Variants in PPARGC1A observed in about 807,000 individuals in gnomAD.
The protein encoded by PPARGC1A is PPARG coactivator 1 alpha.
In PPARGC1A, 25 loss-of-function variants were observed where a neutral mutation model predicts 88.7. The observed-to-expected ratio is 0.28, with a 90% confidence interval of 0.21 to 0.39. The LOEUF (loss-of-function observed/expected upper bound fraction) is 0.39, where lower values mean the gene tolerates loss of function less well. Among genes scored for constraint, PPARGC1A ranks in the 10% least tolerant of loss-of-function variants. PPARGC1A has a pLI of 1.00. For synonymous variants in PPARGC1A, 363 were observed against 355.6 expected (o/e 1.02, Z -0.24); for missense variants, 880 against 968.7 (o/e 0.91, Z 1.22).
the PPARGC1A span, among the ~76,000 whole-genome samples, chr4:24,284,210 G>A: frequency 6.6e-6 from 1 of 152,014 alleles, no homozygotes; most frequent in Non-Finnish European, 1.5e-5. Flanking sequence ...TCAGGAGGCT[G>A]AGGCAGGAGA....
chr4:24,310,277 G>C, the PPARGC1A span, among the ~76,000 whole-genome samples: 2 of 152,160 alleles, frequency 1.3e-5, no homozygotes, highest in African/African-American at 2.4e-5. Flanking sequence ...TCTCACCTAG[G>C]ATCAACTAAA....
At position 23,862,408 on chromosome 4, in the gene PPARGC1A, G is replaced by A. The variant is rs559508451; in HGVS notation, c.234+22344C>T. Among the ~76,000 whole-genome samples the A allele has an allele frequency of 4.7e-4, 71 of 152,326 alleles. 1 individual carries two copies. In the South Asian group the frequency reaches 0.012, roughly 27 times the overall value. On this transcript the variant is annotated intron_variant, in intron 2 of 12. Coordinates refer to ENST00000264867, the MANE Select transcript of PPARGC1A (RefSeq NM_013261.5). The stretch of plus-strand genomic sequence containing the variant: ...AAAGAAGCTGGGAGTAGGAGGGGAT[G>A]AGAAGCGTAGTGCCTGGCAATAGAG...
chr4:24,469,130 G>T, the PPARGC1A span, among the ~76,000 whole-genome samples: 1 of 152,226 alleles, frequency 6.6e-6, no homozygotes, highest in Non-Finnish European at 1.5e-5. Flanking sequence ...GCAGCAATCA[G>T]GGTAAAATCA....
At chr4:24,268,893 G>A in the PPARGC1A span, among the ~76,000 whole-genome samples, 1 of 152,242 alleles carries the variant, frequency 6.6e-6, no homozygotes, top group African/African-American at 2.4e-5. Flanking sequence ...ACTATATCGA[G>A]TACTGTTGTA....
the PPARGC1A span, among the ~76,000 whole-genome samples, chr4:24,118,611 T>C: frequency 6.6e-6 from 1 of 152,186 alleles, no homozygotes; most frequent in Non-Finnish European, 1.5e-5. Context: ...AGAACCACAA[T>C]GGTTCTTAAA....
the PPARGC1A span, among the ~76,000 whole-genome samples, chr4:24,420,707 C>A: frequency 6.6e-6 from 1 of 152,170 alleles, no homozygotes; most frequent in African/African-American, 2.4e-5. Flanking sequence ...AAGCCAGCAG[C>A]CCTCCCCTAC....
the PPARGC1A span, among the ~76,000 whole-genome samples, chr4:23,996,126 C>T: frequency 6.6e-6 from 1 of 152,140 alleles, no homozygotes; most frequent in African/African-American, 2.4e-5. Context: ...ACTTTCACAG[C>T]TATGATGGCA....
At chr4:24,206,862 A>G in the PPARGC1A span, among the ~76,000 whole-genome samples, 1 of 137,410 alleles carries the variant, frequency 7.3e-6, no homozygotes, top group African/African-American at 2.8e-5. Context: ...AAAAAAAAAA[A>G]AAAAAAAAAA....
chr4:23,912,138 T>C, the PPARGC1A span, among the ~76,000 whole-genome samples: 2 of 152,170 alleles, frequency 1.3e-5, no homozygotes, highest in Admixed American at 1.3e-4. Context: ...AGAGGTGGCA[T>C]TTTCAAGAGT....
chr4:24,034,948 C>A, the PPARGC1A span, among the ~76,000 whole-genome samples: 1 of 152,164 alleles, frequency 6.6e-6, no homozygotes, highest in African/African-American at 2.4e-5. Context: ...CTGAGAACAG[C>A]TCTGCAGCAT....
the PPARGC1A span, among the ~76,000 whole-genome samples, chr4:24,401,020 T>TTC: frequency 5.2e-5 from 7 of 134,448 alleles, no homozygotes; most frequent in Admixed American, 3.7e-4. Flanking sequence ...ATTTTCTTTT[T>TTC]TTTTTTTTTT....
In PPARGC1A at chr4:23,799,006, G is replaced by A. The variant is rs191200889; in HGVS notation, c.2293+2724C>T. 7.9e-5 allele frequency among the ~76,000 whole-genome samples: 12 copies of A among 152,264 alleles called. 1 individual carries two copies. The East Asian group carries it at 2.1e-3, about 27-fold the overall frequency. On this transcript the variant is annotated intron_variant, in intron 12 of 12. Coordinates refer to ENST00000264867, the MANE Select transcript of PPARGC1A (RefSeq NM_013261.5). ...CTTAATTTGGGGGAGCAAGTAAACA[G>A]AAAGAAAATTGGTTAAATCTATCTA...
chr4:24,002,283 A>G, the PPARGC1A span, among the ~76,000 whole-genome samples: 1 of 151,932 alleles, frequency 6.6e-6, no homozygotes, highest in South Asian at 2.1e-4. Context: ...ATGCGCCACC[A>G]CACCCAGCTG....
chr4:24,057,342 TTC>T, the PPARGC1A span, among the ~76,000 whole-genome samples: 1 of 151,924 alleles, frequency 6.6e-6, no homozygotes, highest in Non-Finnish European at 1.5e-5. Flanking sequence ...GGTATAGAGT[TTC>T]TGTTTTTCAA....
chr4:24,325,704 C>T, the PPARGC1A span, among the ~76,000 whole-genome samples: 2 of 152,190 alleles, frequency 1.3e-5, no homozygotes, highest in East Asian at 3.9e-4. Context: ...CTCGGAAGCC[C>T]CGTAGACCAC....
the PPARGC1A span, among the ~76,000 whole-genome samples, chr4:23,996,249 A>G: frequency 1.3e-5 from 2 of 152,142 alleles, no homozygotes; most frequent in Non-Finnish European, 2.9e-5. Context: ...CAGCTCCCCC[A>G]TTATAATGCA....
At chr4:24,166,478 G>T in the PPARGC1A span, among the ~76,000 whole-genome samples, 11,304 of 152,238 alleles carry the variant, frequency 0.074, 626 homozygotes, top group East Asian at 0.18. Flanking sequence ...TTCATAGTTA[G>T]AAAGGAGGAG....
the PPARGC1A span, among the ~76,000 whole-genome samples, chr4:23,943,089 T>C: frequency 6.6e-6 from 1 of 152,192 alleles, no homozygotes; most frequent in Admixed American, 6.6e-5. Flanking sequence ...ACTATTTACG[T>C]ACTCAGTTCA....
At chr4:24,173,338 C>CAA in the PPARGC1A span, among the ~76,000 whole-genome samples, 1 of 117,590 alleles carries the variant, frequency 8.5e-6, no homozygotes. Context: ...CTTTCCCCAC[C>CAA]AAAAAAAAAA....
Sources: gnomAD v4.1 joint callset for allele counts (sites outside exome capture counted in the v4.1 genomes callset) on GRCh38, gnomAD v4.1.1 for gene constraint, MANE v1.5 for transcripts, NCBI Gene and HGNC (gene_info 2026-07-23, HGNC 2026-07-21) for gene names.